Variants in LNP1 observed in about 807,000 individuals in gnomAD.
LNP1 encodes leukemia NUP98 fusion partner 1.
A neutral mutation model predicts 14.5 loss-of-function variants in LNP1; 12 were observed. The ratio of observed to expected loss-of-function variants is 0.83; its 90% CI spans 0.53 to 1.34. The LOEUF is 1.34. LNP1 is among the 40% of genes most tolerant of loss of function. The pLI, the probability that LNP1 is intolerant of heterozygous loss-of-function variation, is 0.00. For missense variants in LNP1, 198 were observed against 210.9 expected (o/e 0.94, Z 0.38); for synonymous variants, 75 against 71.4 (o/e 1.05, Z -0.26).
At chr3:100,449,656 AAACCAAAAAAAAC>A (rs1395001050) in intron 2 of LNP1, among the ~76,000 whole-genome samples, 3 of 152,152 alleles carry the variant, frequency 2.0e-5, no homozygotes, top group African/African-American at 7.2e-5. Flanking sequence ...AAACAAAATC[AAACCAAAAAAAAC>A]AACCAAAAAC....
rs1285835555 is a variant in LNP1 at position 100,402,425 on chromosome 3, T to C, written c.-48T>C. On this transcript the variant is annotated 5_prime_UTR_variant, in exon 1 of 4. Transcript: ENST00000383693. ...TTGGAAAGAATTTCAGGATCACCGG[T>C]TTCTCCTGCTTCATGTAAGTTCCTA... 6.6e-6 allele frequency: 1 copy of C among 152,210 alleles called. No homozygotes were observed. Among genetic ancestry groups the C allele is most frequent in the Non-Finnish European group, 1.5e-5 (1 of 68,044 alleles). The allele number at this position is 152,210 out of a possible 1,614,324, so 9.4% of individuals were successfully genotyped here.
chr3:100,413,816 G>A (rs1381798275), intron 1 of LNP1, among the ~76,000 whole-genome samples: 1 of 152,152 alleles, frequency 6.6e-6, no homozygotes, highest in Non-Finnish European at 1.5e-5. Flanking sequence ...TAAGTGATGG[G>A]CCTACAGTAG....
At chr3:100,419,772 G>A (rs778521088) in intron 1 of LNP1, among the ~76,000 whole-genome samples, 9 of 151,766 alleles carry the variant, frequency 5.9e-5, no homozygotes, top group Non-Finnish European at 1.2e-4. Context: ...TTTTGAGATT[G>A]AACTTTTTTA....
chr3:100,409,719 C>G (rs1425996011), intron 1 of LNP1, among the ~76,000 whole-genome samples: 1 of 150,640 alleles, frequency 6.6e-6, no homozygotes, highest in Non-Finnish European at 1.5e-5. Flanking sequence ...CTTAGCCTCC[C>G]GAGTATCTGG....
chr3:100,435,761 A>G (rs1707288633), intron 2 of LNP1, among the ~76,000 whole-genome samples: 2 of 152,180 alleles, frequency 1.3e-5, no homozygotes, highest in African/African-American at 2.4e-5. Flanking sequence ...GGTGGTTCTG[A>G]CACAGTTCTG....
chr3:100,407,343 A>G (rs1251695455), intron 1 of LNP1, among the ~76,000 whole-genome samples: 1 of 152,140 alleles, frequency 6.6e-6, no homozygotes, highest in Non-Finnish European at 1.5e-5. Flanking sequence ...TTTCTGAATG[A>G]CAGTTTTGCT....
At chr3:100,418,156 T>C (rs1707105827) in intron 1 of LNP1, among the ~76,000 whole-genome samples, 1 of 149,668 alleles carries the variant, frequency 6.7e-6, no homozygotes, top group Admixed American at 6.7e-5. Context: ...GCCTCCTGGG[T>C]TCAAGCAAAT....
At chr3:100,413,116 T>G in intron 1 of LNP1, among the ~76,000 whole-genome samples, 1 of 152,222 alleles carries the variant, frequency 6.6e-6, no homozygotes, top group Non-Finnish European at 1.5e-5. Flanking sequence ...ACCACCTTTA[T>G]AGCCTCTGGC....
At chr3:100,421,714 T>C (rs1410647872) in intron 1 of LNP1, among the ~76,000 whole-genome samples, 1 of 152,192 alleles carries the variant, frequency 6.6e-6, no homozygotes, top group African/African-American at 2.4e-5. Flanking sequence ...GAGAAATTTC[T>C]GGGTCAAAGG....
At chr3:100,441,179 C>T (rs1707340457) in intron 2 of LNP1, among the ~76,000 whole-genome samples, 1 of 152,274 alleles carries the variant, frequency 6.6e-6, no homozygotes, top group South Asian at 2.1e-4. Flanking sequence ...AAAGGGAAAG[C>T]AGGAAGGTGC....
chr3:100,453,767 C>T (rs1190384186), intron 3 of LNP1, among the ~76,000 whole-genome samples: 1 of 152,076 alleles, frequency 6.6e-6, no homozygotes. Flanking sequence ...CTTTTCCCAC[C>T]TCCAAACACA....
chr3:100,407,366 C>G (rs983536747), intron 1 of LNP1, among the ~76,000 whole-genome samples: 2 of 152,134 alleles, frequency 1.3e-5, no homozygotes, highest in Admixed American at 6.5e-5. Flanking sequence ...GTACAGTATT[C>G]TTGATTGACA....
chr3:100,447,812 T>C (rs796618478), intron 2 of LNP1, among the ~76,000 whole-genome samples: 6 of 152,262 alleles, frequency 3.9e-5, no homozygotes, highest in African/African-American at 1.4e-4. Context: ...TTTATTTTGA[T>C]AACTTTTTTT....
chr3:100,422,775 T>A (rs1707156692), intron 1 of LNP1, among the ~76,000 whole-genome samples: 1 of 149,782 alleles, frequency 6.7e-6, no homozygotes. Context: ...TAGGCAAATC[T>A]CTGAAAACAT....
intron 1 of LNP1, among the ~76,000 whole-genome samples, chr3:100,425,443 G>A (rs528969593): frequency 3.9e-5 from 6 of 152,324 alleles, no homozygotes; most frequent in Admixed American, 2.0e-4. Context: ...TGTGATCATA[G>A]GCTCAGCAGT....
Position 100,456,155 on chromosome 3 carries a change from T to G in LNP1, c.*229T>G. The G allele has an allele frequency of 2.4e-6, 1 of 419,132 alleles. No homozygotes were observed. The highest frequency in any genetic ancestry group is 4.3e-6 in the Non-Finnish European group (1 of 233,800). The allele number at this position is 419,132 out of a possible 1,614,324, so 26.0% of individuals were successfully genotyped here. A position where few individuals can be genotyped will look rare whatever the true frequency, so the allele number is the denominator to read the frequency against. ...CATCTTAGTTGAGAGTATAATCTGC[T>G]TGGTTGCCTTTTTATGGGAATAAAG... On this transcript the variant is annotated 3_prime_UTR_variant, in exon 4 of 4. Transcript: ENST00000383693.
intron 3 of LNP1, among the ~76,000 whole-genome samples, chr3:100,454,296 T>G (rs917547252): frequency 2.0e-5 from 3 of 152,334 alleles, no homozygotes; most frequent in Admixed American, 2.0e-4. Context: ...TATTTTATTT[T>G]ACATCAGTTT....
At chr3:100,453,056 A>G (rs1016054141) in intron 3 of LNP1, among the ~76,000 whole-genome samples, 2 of 152,188 alleles carry the variant, frequency 1.3e-5, no homozygotes, top group African/African-American at 4.8e-5. Flanking sequence ...AGACTCTGTG[A>G]GTCCACTGGT....
At chr3:100,409,202 A>T (rs1362456588) in intron 1 of LNP1, among the ~76,000 whole-genome samples, 1 of 152,130 alleles carries the variant, frequency 6.6e-6, no homozygotes, top group Non-Finnish European at 1.5e-5. Context: ...TTGAGCTGGG[A>T]TATTCATCTT....
Sources: allele counts gnomAD v4.1 joint callset (sites outside exome capture counted in the v4.1 genomes callset), GRCh38; gene constraint gnomAD v4.1.1; transcripts MANE v1.5; gene names NCBI Gene and HGNC (gene_info 2026-07-23, HGNC 2026-07-21).